Variants in PDE1A observed in about 807,000 individuals in gnomAD.
PDE1A encodes the protein phosphodiesterase 1A, also known as dual specificity calcium/calmodulin-dependent 3',5'-cyclic nucleotide phosphodiesterase 1A.
In PDE1A, 35 loss-of-function variants were observed where a neutral mutation model predicts 61.7. The ratio of observed to expected loss-of-function variants is 0.57; its 90% CI spans 0.43 to 0.75. PDE1A has a LOEUF of 0.75. PDE1A is among the 30% of genes least tolerant of loss of function. The pLI is 0.00. For missense variants in PDE1A, 597 were observed against 630.6 expected (o/e 0.95, Z 0.57); for synonymous variants, 232 against 213.2 (o/e 1.09, Z -0.77).
the PDE1A span, among the ~76,000 whole-genome samples, chr2:182,556,403 C>T: frequency 6.6e-6 from 1 of 152,120 alleles, no homozygotes; most frequent in African/African-American, 2.4e-5. Context: ...AATTGGTTTA[C>T]AAATTATTCT....
At chr2:182,507,007 T>G (rs772157160) in intron 2 of PDE1A, among the ~76,000 whole-genome samples, 1 of 152,236 alleles carries the variant, frequency 6.6e-6, no homozygotes, top group African/African-American at 2.4e-5. Flanking sequence ...GGAAGAAATA[T>G]TTTATGTGGA....
chr2:182,549,065 T>C, the PDE1A span, among the ~76,000 whole-genome samples: 1 of 152,198 alleles, frequency 6.6e-6, no homozygotes, highest in Non-Finnish European at 1.5e-5. Context: ...TACCTTGAAG[T>C]TCTCAAGTAT....
rs144643899 is a variant in PDE1A at position 182,242,943 on chromosome 2, G to GTGTGTGTT, written c.168-2659_168-2652dup. Among the ~76,000 whole-genome samples, 51 of 137,480 alleles carry GTGTGTGTT rather than the reference G, an allele frequency of 3.7e-4. No individual in the cohort carries two copies. In the East Asian group the frequency reaches 4.3e-3, roughly 12 times the overall value. 90.2% of individuals were successfully genotyped at this position (137,480 alleles called of 152,430 possible). On this transcript the variant is annotated intron_variant, in intron 2 of 13. Coordinates refer to ENST00000351439, the Ensembl canonical transcript of PDE1A. ...CTCTCTCTCGTGTGTGTATGTGTGTGTGTGTGTTGTGTAGCTGTTGGTTTG... is the reference window on the plus strand; with the variant it reads ...CTCTCTCTCGTGTGTGTATGTGTGTGTGTGTGTTTGTGTGTTGTGTAGCTGTTGGTTTG...
At chr2:182,493,549 A>G (rs113766943) in intron 2 of PDE1A, among the ~76,000 whole-genome samples, 4,116 of 152,202 alleles carry the variant, frequency 0.027, 111 homozygotes, top group East Asian at 0.14. Context: ...TAGAAATACC[A>G]TTTGACCCAG....
intron 6 of PDE1A, among the ~76,000 whole-genome samples, 184 bp from the exon 7 acceptor site, chr2:182,224,148 T>C (rs944696156): frequency 1.3e-5 from 2 of 151,980 alleles, no homozygotes; most frequent in Admixed American, 6.6e-5. Context: ...AAGTCAATGA[T>C]TGTTTCATGG....
At chr2:182,664,420 A>G in the PDE1A span, among the ~76,000 whole-genome samples, 2 of 152,198 alleles carry the variant, frequency 1.3e-5, no homozygotes, top group African/African-American at 4.8e-5. Flanking sequence ...ATGGCTATAA[A>G]AAGAGTAACA....
At chr2:182,712,036 A>G in the PDE1A span, among the ~76,000 whole-genome samples, 1 of 152,242 alleles carries the variant, frequency 6.6e-6, no homozygotes, top group Non-Finnish European at 1.5e-5. Context: ...AATGAGACGA[A>G]TCAAAATTTG....
At chr2:182,614,544 C>T in the PDE1A span, among the ~76,000 whole-genome samples, 1 of 147,594 alleles carries the variant, frequency 6.8e-6, no homozygotes. Flanking sequence ...TTTAAAGTAA[C>T]TAGCATATCT....
chr2:182,184,055 A>AAAGAAAGAAAGAAAGAAAGG (rs1473528088), intron 13 of PDE1A, among the ~76,000 whole-genome samples: 2 of 149,184 alleles, frequency 1.3e-5, no homozygotes, highest in Admixed American at 1.3e-4. Context: ...AGAAAGAAAG[A>AAAGAAAGAAAGAAAGAAAGG]ACAATTAAAG....
intron 1 of PDE1A, among the ~76,000 whole-genome samples, chr2:182,328,967 C>A (rs934590633): frequency 1.2e-4 from 19 of 152,170 alleles, no homozygotes; most frequent in African/African-American, 4.1e-4. Flanking sequence ...TAAGCAACTT[C>A]TTTTCTTTGT....
rs923318429 is a variant in PDE1A at position 182,434,935 on chromosome 2, C to T, written c.101+87341G>A. Among the ~76,000 whole-genome samples, 60 of 151,942 alleles carry T rather than the reference C, an allele frequency of 3.9e-4. 2 individuals are homozygous for T. Among genetic ancestry groups the T allele is most frequent in the Non-Finnish European group, 1.5e-4 (10 of 67,976 alleles). On this transcript the variant is annotated intron_variant, in intron 2 of 14. Coordinates refer to the PDE1A transcript ENST00000410103. ...AATTTCTAGTGACAGAAAAGCTGTT[C>T]CCCAAATTGGCTAACTCCCCGGTCA...
At chr2:182,171,079 T>A (rs1236251092) in intron 13 of PDE1A, among the ~76,000 whole-genome samples, 1 of 152,012 alleles carries the variant, frequency 6.6e-6, no homozygotes, top group Non-Finnish European at 1.5e-5. Context: ...CTATTCCCAT[T>A]TTTTTGTTTC....
chr2:182,687,215 G>C, the PDE1A span, among the ~76,000 whole-genome samples: 1 of 152,222 alleles, frequency 6.6e-6, no homozygotes, highest in African/African-American at 2.4e-5. Context: ...TTTGAGATCT[G>C]AGAACGGACA....
At chr2:182,336,984 G>T (rs1229383219) in intron 1 of PDE1A, among the ~76,000 whole-genome samples, 2 of 57,224 alleles carry the variant, frequency 3.5e-5, no homozygotes, top group Non-Finnish European at 9.4e-5. Flanking sequence ...TTTAAATAAA[G>T]AATAAAAATA....
the PDE1A span, among the ~76,000 whole-genome samples, chr2:182,661,615 C>T: frequency 0.7 from 106,914 of 151,660 alleles, 38,093 homozygotes; most frequent in Middle Eastern, 0.78. Context: ...CGGCTGGAAA[C>T]GAGGGAAATA....
At chr2:182,465,284 T>A (rs1198519024) in intron 2 of PDE1A, among the ~76,000 whole-genome samples, 1 of 152,152 alleles carries the variant, frequency 6.6e-6, no homozygotes, top group African/African-American at 2.4e-5. Flanking sequence ...AATAATATTG[T>A]AAATGTCTAT....
the PDE1A span, among the ~76,000 whole-genome samples, chr2:182,695,686 G>GAAA: frequency 3.7e-4 from 19 of 50,938 alleles, no homozygotes; most frequent in African/African-American, 9.8e-4. Flanking sequence ...AAAAAAAAAA[G>GAAA]AAAAAGAAAA....
intron 1 of PDE1A, among the ~76,000 whole-genome samples, chr2:182,425,866 A>G (rs767999689): frequency 6.6e-5 from 10 of 152,210 alleles, no homozygotes; most frequent in Non-Finnish European, 1.0e-4. Flanking sequence ...CAATTTCTAG[A>G]TACTTTTAAA....
chr2:182,390,276 G>A (rs1701346223), intron 1 of PDE1A, among the ~76,000 whole-genome samples: 1 of 152,078 alleles, frequency 6.6e-6, no homozygotes, highest in African/African-American at 2.4e-5. Flanking sequence ...TTCTTAATCT[G>A]ATTAAACCCC....
Sources: gnomAD v4.1 joint callset for allele counts (sites outside exome capture counted in the v4.1 genomes callset) on GRCh38, gnomAD v4.1.1 for gene constraint, MANE v1.5 for transcripts, NCBI Gene and HGNC (gene_info 2026-07-23, HGNC 2026-07-21) for gene names.